Variants in COPA observed in about 807,000 individuals in gnomAD.
COPA encodes the protein coat protein complex I subunit alpha.
COPA carries 10 observed loss-of-function variants against 158.7 expected under a neutral mutation model. The observed-to-expected ratio is 0.06, with a 90% CI of 0.04 to 0.11. COPA has a LOEUF of 0.11. COPA is among the 10% of genes least tolerant of loss of function. The pLI, the probability that COPA is intolerant of heterozygous loss-of-function variation, is 1.00. For synonymous variants in COPA, 462 were observed against 542.8 expected (o/e 0.85, Z 2.07); for missense variants, 1,065 against 1,536.7 (o/e 0.69, Z 5.13).
intron 6 of COPA, among the ~76,000 whole-genome samples, chr1:160,327,537 C>T (rs570501706): frequency 7.3e-4 from 106 of 145,798 alleles, no homozygotes; most frequent in African/African-American, 2.6e-3. Context: ...CCAGCCTGGG[C>T]GAAAGAACGA....
chr1:160,294,582 C>G lies in COPA; in HGVS notation c.2578G>C (p.Glu860Gln). Reference protein sequence around the residue: ...ELQLDEDGFVEATEGLGDDAL... With the variant: ...ELQLDEDGFVQATEGLGDDAL... ...TCATCCCCCAAACCTTCTGTAGCCT[C>G]CACAAACCCATCTGTAAGGAAAATT... The change falls in exon 25 of 33, where the codon GAG (glutamate) becomes CAG (glutamine). Residue 860 changes from glutamate (E) to glutamine (Q), a missense_variant. Glu to Gln is a conservative substitution (Grantham distance 29). Around this residue, in one of 2 missense-constraint regions of COPA, gnomAD observed 980 missense variants for 1,357.8 expected, o/e 0.72. Coordinates refer to ENST00000241704, the MANE Select transcript of COPA (RefSeq NM_004371.4). 1 of 1,614,162 alleles carries G rather than the reference C, an allele frequency of 6.2e-7. No individual in the cohort carries two copies. Among genetic ancestry groups the G allele is most frequent in the Non-Finnish European group, 8.5e-7 (1 of 1,180,028 alleles).
At chr1:160,325,195 C>A (rs554417432) in intron 7 of COPA, among the ~76,000 whole-genome samples, 1 of 152,138 alleles carries the variant, frequency 6.6e-6, no homozygotes, top group South Asian at 2.1e-4. Context: ...CCCACCTGCA[C>A]AAAAGTTACA....
At chr1:160,314,277 GTC>G (rs1659068172) in intron 8 of COPA, 152 bp from the exon 9 acceptor site, 3 of 765,454 alleles carry the variant, frequency 3.9e-6, no homozygotes, top group Admixed American at 3.1e-5. Context: ...CTTCATTTAA[GTC>G]TCTTAATCTT....
intron 15 of COPA, 47 bp from the exon 16 acceptor site, chr1:160,305,820 G>A: frequency 6.6e-7 from 1 of 1,510,686 alleles, no homozygotes; most frequent in East Asian, 2.3e-5. Flanking sequence ...TATTTCCCTT[G>A]TCTCAGGCTT....
rs1055161964 is a variant in COPA, at chr1:160,311,864, T to A, written c.1076+4A>T. 2 of 1,609,748 alleles carry A rather than the reference T, an allele frequency of 1.2e-6. No individual in the cohort carries two copies. The highest frequency in any genetic ancestry group is 2.7e-5 in the African/African-American group (2 of 74,866). ...TTTGGAGGAAAGAAACAAGTCCGAT[T>A]TACCTCCGCAACTGCATCACAGCTA... On this transcript the variant is annotated splice_donor_region_variant and intron_variant, in intron 11 of 32. Transcript: ENST00000241704.
intron 9 of COPA, 93 bp downstream of exon 9, chr1:160,313,897 G>T: frequency 1.7e-6 from 2 of 1,186,886 alleles, no homozygotes; most frequent in Non-Finnish European, 2.3e-6. Context: ...TTGTCTACAT[G>T]CTGAAGATGA....
chr1:160,291,720 A>G lies in COPA; in HGVS notation c.3258+99T>C, dbSNP rs2298105. On this transcript the variant is annotated intron_variant, in intron 30 of 32. Transcript: ENST00000241704. Reference sequence around the variant, plus strand: ...AAATGAAGGGCCTAAATTTCTCTTCATCCCCACTCAGATCTGGGTTTGAAA... The same window carrying G: ...AAATGAAGGGCCTAAATTTCTCTTCGTCCCCACTCAGATCTGGGTTTGAAA... 4.5e-3 allele frequency: 5,843 copies of G among 1,299,460 alleles called. 115 individuals carry two copies. The highest frequency in any genetic ancestry group is 0.044 in the African/African-American group (2,801 of 63,080). 80.5% of individuals were successfully genotyped at this position (1,299,460 alleles called of 1,614,324 possible).
rs1276412230 is a variant in COPA, at chr1:160,339,995, GC to G, written c.155-14del. The G allele has an allele frequency of 6.2e-7, 1 of 1,613,598 alleles. No individual in the cohort carries two copies. Among genetic ancestry groups the G allele is most frequent in the Non-Finnish European group, 8.5e-7 (1 of 1,179,614 alleles). On this transcript the variant is annotated splice_polypyrimidine_tract_variant and intron_variant, in intron 2 of 32. Coordinates refer to ENST00000241704, the MANE Select transcript of COPA (RefSeq NM_004371.4). Reference sequence around the variant, plus strand: ...CCTCGCACTGGACCTGGTGGAGAAGGCAGGCAATGTATGTTAGACAGAGCTA... The same window carrying G: ...CCTCGCACTGGACCTGGTGGAGAAGGAGGCAATGTATGTTAGACAGAGCTA...
intron 13 of COPA, 50 bp from the exon 14 acceptor site, chr1:160,307,295 G>C: frequency 6.4e-7 from 1 of 1,557,068 alleles, no homozygotes; most frequent in Non-Finnish European, 8.9e-7. Flanking sequence ...GTCACTGGCA[G>C]GTGACATAGT....
chr1:160,316,619 G>A lies in COPA; in HGVS notation c.707-2494C>T, dbSNP rs544710323. On this transcript the variant is annotated intron_variant, in intron 8 of 32. Coordinates refer to ENST00000241704, the MANE Select transcript of COPA (RefSeq NM_004371.4). The stretch of plus-strand genomic sequence containing the variant: ...TACAAAATTAGCCGGGTGTGGTGGT[G>A]CATGCCTATAATCCCAGCTACTCGG... Among the ~76,000 whole-genome samples the A allele has an allele frequency of 3.3e-5, 5 of 151,646 alleles. No individual in the cohort carries two copies. In the East Asian group the frequency reaches 9.8e-4, roughly 30 times the overall value.
chr1:160,293,387 T>C lies in COPA; in HGVS notation c.2753A>G (p.Gln918Arg), dbSNP rs1445340491. Residue 918 changes from glutamine to arginine, a missense_variant and splice_region_variant, in exon 26 of 33, where the codon CAG becomes CGG. By Grantham distance (43) the Gln-to-Arg change is conservative. Coordinates refer to ENST00000241704, the MANE Select transcript of COPA (RefSeq NM_004371.4). ...VPPTKGTSPT[Q>R]IWCNNSQLPV... ...CGTGCTAGGTTTCTTCCCGCTTACC[T>C]GAGTTGGACTTGTTCCCTTGGTTGG... is the stretch of plus-strand genomic sequence containing the variant. 1 of 1,613,428 alleles carries C rather than the reference T, an allele frequency of 6.2e-7. No individual in the cohort carries two copies. The highest frequency in any genetic ancestry group is 8.5e-7 in the Non-Finnish European group (1 of 1,179,780).
Position 160,336,083 on chromosome 1 carries a change from T to C in COPA, c.229-761A>G, listed in dbSNP as rs1217561611. On this transcript the variant is annotated intron_variant, in intron 3 of 32. Transcript: ENST00000241704. The stretch of plus-strand genomic sequence containing the variant: ...ATGACAGGCTGGGCACGATGGCTCA[T>C]ACCTGTAATCCCAGCACTTTGGGAG... 6.0e-5 allele frequency among the ~76,000 whole-genome samples: 9 copies of C among 148,768 alleles called. No homozygotes were observed. The South Asian group carries it at 6.2e-4, about 10-fold the overall frequency.
intron 21 of COPA, among the ~76,000 whole-genome samples, chr1:160,296,368 A>C (rs1199020351): frequency 6.6e-6 from 1 of 152,222 alleles, no homozygotes; most frequent in Non-Finnish European, 1.5e-5. Flanking sequence ...CTGGTTACAA[A>C]GATTGTGGCT....
rs766246693 is a variant in COPA at position 160,339,904 on chromosome 1, T to A, written c.228+5A>T. The A allele has an allele frequency of 6.2e-7, 1 of 1,613,288 alleles. No individual in the cohort carries two copies. Among genetic ancestry groups the A allele is most frequent in the East Asian group, 2.2e-5 (1 of 44,874 alleles). ...TTATTCTCAGTTATGACAGACCCTCTGTACCTTAATCTTATAGTCATCTCC... is the reference window on the plus strand; with the variant it reads ...TTATTCTCAGTTATGACAGACCCTCAGTACCTTAATCTTATAGTCATCTCC... On this transcript the variant is annotated splice_donor_5th_base_variant and intron_variant, in intron 3 of 32. Transcript: ENST00000241704.
rs539473581 is a variant in COPA, at chr1:160,320,679, G to C, written c.706+2752C>G. 4.9e-5 allele frequency among the ~76,000 whole-genome samples: 6 copies of C among 123,268 alleles called. No homozygotes were observed. The East Asian group carries it at 1.5e-3, about 30-fold the overall frequency. The allele number at this position is 123,268 out of a possible 152,430, so 80.9% of individuals were successfully genotyped here. On this transcript the variant is annotated intron_variant, in intron 8 of 32. Transcript: ENST00000241704. ...AAAAACTTCTAAAAACCAGTGCCTA[G>C]ATCAAAGCCTTAATAAAAATTCTCC...
intron 18 of COPA, 21 bp from the exon 19 acceptor site, chr1:160,299,012 C>T (rs373801884): frequency 1.9e-5 from 31 of 1,610,358 alleles, no homozygotes; most frequent in Middle Eastern, 1.6e-4. Flanking sequence ...GGGGTGGAGT[C>T]GGGCAAGAAG....
intron 31 of COPA, among the ~76,000 whole-genome samples, chr1:160,290,922 A>G (rs1283536004): frequency 6.6e-6 from 1 of 152,218 alleles, no homozygotes; most frequent in Non-Finnish European, 1.5e-5. Context: ...ACATTCCTCC[A>G]CCAACTCTAG....
intron 7 of COPA, among the ~76,000 whole-genome samples, chr1:160,324,544 G>A (rs544624959): frequency 6.8e-6 from 1 of 147,624 alleles, no homozygotes; most frequent in African/African-American, 2.5e-5. Context: ...GTAATCCTCT[G>A]GCCTCGGTCT....
chr1:160,317,137 A>G (rs997995629), intron 8 of COPA, among the ~76,000 whole-genome samples: 3 of 152,210 alleles, frequency 2.0e-5, no homozygotes, highest in African/African-American at 7.2e-5. Context: ...ACCCAGCAAG[A>G]TTATTTTATT....
Sources: allele counts gnomAD v4.1 joint callset (sites outside exome capture counted in the v4.1 genomes callset), GRCh38; gene constraint gnomAD v4.1.1; regional missense constraint gnomAD v4.1.1; transcripts MANE v1.5; gene names NCBI Gene and HGNC (gene_info 2026-07-23, HGNC 2026-07-21).